Variants in TNS3 observed in about 807,000 individuals in gnomAD.
The protein encoded by TNS3 is tensin-3.
Under a neutral mutation model 140.9 loss-of-function variants are expected in TNS3, and 45 were observed. That is an observed-to-expected ratio of 0.32 (90% CI 0.25 to 0.41). The LOEUF is 0.41. Ranked by LOEUF, TNS3 falls within the 10% of genes least tolerant of loss-of-function variation. The pLI is 1.00. For synonymous variants in TNS3, 815 were observed against 788.4 expected, an observed-to-expected ratio of 1.03 and a Z score of -0.56; for missense variants, 1,716 against 1,906.7, an observed-to-expected ratio of 0.90 and a Z score of 1.86.
intron 4 of TNS3, among the ~76,000 whole-genome samples, chr7:47,470,934 G>A (rs575601102): frequency 6.6e-6 from 1 of 151,524 alleles, no homozygotes; most frequent in African/African-American, 2.4e-5. Context: ...ACATTGACGG[G>A]TGTGTTTTGT....
intron 20 of TNS3, among the ~76,000 whole-genome samples, chr7:47,310,883 T>C (rs1160741420): frequency 5.9e-5 from 9 of 152,228 alleles, no homozygotes. Flanking sequence ...TCCATGTCCC[T>C]ACAAAGGACA....
Position 47,409,669 on chromosome 7 carries a change from TACC to T in TNS3, c.723+2055_723+2057del, listed in dbSNP as rs1240910084. Among the ~76,000 whole-genome samples, 686 of 151,426 alleles carry T rather than the reference TACC, an allele frequency of 4.5e-3. 2 individuals carry two copies. The highest frequency in any genetic ancestry group is 0.015 in the African/African-American group (634 of 40,904). ...CTCTCTTGGCCTATTCTTTTTTTTT[TACC>T]TCTGAGACGGAGTCTCGCTCTGTCG... On this transcript the variant is annotated intron_variant, in intron 13 of 30. Transcript: ENST00000311160.
chr7:47,412,056 G>A (rs78673708), intron 12 of TNS3, among the ~76,000 whole-genome samples: 6,071 of 152,202 alleles, frequency 0.04, 175 homozygotes, highest in Non-Finnish European at 0.06. Flanking sequence ...CCAGAGGCCC[G>A]AGCTTGGAGA....
intron 1 of TNS3, among the ~76,000 whole-genome samples, chr7:47,550,775 A>G (rs901671667): frequency 3.9e-5 from 6 of 152,228 alleles, no homozygotes; most frequent in African/African-American, 2.4e-5. Context: ...TGGTACTAAC[A>G]TAGAATGGGA....
At chr7:47,468,368 G>A (rs1349817752) in intron 4 of TNS3, among the ~76,000 whole-genome samples, 3 of 152,168 alleles carry the variant, frequency 2.0e-5, no homozygotes, top group African/African-American at 7.2e-5. Flanking sequence ...TTGAACCCGG[G>A]AGGCAGAGGT....
At chr7:47,409,656 A>ATTTTTTTTTTT (rs1314338489) in intron 13 of TNS3, among the ~76,000 whole-genome samples, 16 of 150,010 alleles carry the variant, frequency 1.1e-4, no homozygotes, top group African/African-American at 3.5e-4. Context: ...CTCTTGGCCT[A>ATTTTTTTTTTT]TTCTTTTTTT....
chr7:47,471,453 G>T (rs1796949729), intron 4 of TNS3, among the ~76,000 whole-genome samples: 1 of 152,056 alleles, frequency 6.6e-6, no homozygotes, highest in Non-Finnish European at 1.5e-5. Context: ...AATGGAAGGG[G>T]GTCTTCCTTT....
At chr7:47,433,440 C>T (rs1326994103) in intron 8 of TNS3, among the ~76,000 whole-genome samples, 1 of 152,186 alleles carries the variant, frequency 6.6e-6, no homozygotes, top group African/African-American at 2.4e-5. Flanking sequence ...ATTCCACTAA[C>T]AAGAGCTGTC....
chr7:47,544,908 T>C (rs1799879807), intron 1 of TNS3, among the ~76,000 whole-genome samples: 1 of 151,938 alleles, frequency 6.6e-6, no homozygotes, highest in Non-Finnish European at 1.5e-5. Flanking sequence ...CAAGCATTTC[T>C]TCACCATCAA....
intron 1 of TNS3, among the ~76,000 whole-genome samples, chr7:47,546,828 G>A (rs1562848427): frequency 1.3e-5 from 2 of 152,234 alleles, no homozygotes; most frequent in Non-Finnish European, 2.9e-5. Flanking sequence ...CCAAGACCAC[G>A]GTCTCTCAGT....
chr7:47,315,110 C>T (rs1231792366), intron 20 of TNS3, among the ~76,000 whole-genome samples: 1 of 152,240 alleles, frequency 6.6e-6, no homozygotes, highest in Non-Finnish European at 1.5e-5. Flanking sequence ...CAGCCACAGC[C>T]GATCTTGGGC....
chr7:47,472,968 C>T (rs1344141392), intron 4 of TNS3, among the ~76,000 whole-genome samples: 3 of 152,172 alleles, frequency 2.0e-5, no homozygotes, highest in African/African-American at 7.2e-5. Context: ...ACAGTGCTGG[C>T]CCCACCCCTT....
intron 1 of TNS3, among the ~76,000 whole-genome samples, chr7:47,538,766 G>A (rs1310650345): frequency 1.3e-5 from 2 of 152,134 alleles, no homozygotes; most frequent in Non-Finnish European, 2.9e-5. Context: ...TGGCAGACAA[G>A]CAGGCATTCT....
At chr7:47,366,106 C>A (rs754850047) in intron 17 of TNS3, among the ~76,000 whole-genome samples, 1 of 152,172 alleles carries the variant, frequency 6.6e-6, no homozygotes, top group Non-Finnish European at 1.5e-5. Context: ...CAAGTAACTT[C>A]TTTTAAGAAG....
chr7:47,470,951 T>G (rs1050949891), intron 4 of TNS3, among the ~76,000 whole-genome samples: 7 of 130,068 alleles, frequency 5.4e-5, no homozygotes, highest in Non-Finnish European at 1.1e-4. Flanking sequence ...TTGTTTTTTG[T>G]TTTTTTTTAA....
chr7:47,426,862 A>C (rs1298327640), intron 9 of TNS3, among the ~76,000 whole-genome samples: 4 of 152,102 alleles, frequency 2.6e-5, no homozygotes, highest in Non-Finnish European at 4.4e-5. Context: ...GTGGTGGCTC[A>C]CACCTGTAAT....
rs529487161 is a variant in TNS3 at position 47,504,434 on chromosome 7, G to A, written c.-115+2473C>T. ...ATGCTCCAGGGCATGTGTGGAGCCT[G>A]TAGACACAGGCGCAAGTGCTCCCAC... is the stretch of plus-strand genomic sequence containing the variant. On this transcript the variant is annotated intron_variant, in intron 3 of 30. Coordinates refer to ENST00000311160, the MANE Select transcript of TNS3 (RefSeq NM_022748.12). Among the ~76,000 whole-genome samples, 24 of 152,324 alleles carry A rather than the reference G, an allele frequency of 1.6e-4. No homozygotes were observed. The South Asian group carries it at 3.7e-3, about 24-fold the overall frequency.
chr7:47,424,296 G>T, intron 9 of TNS3, 112 bp from the exon 10 acceptor site: 1 of 979,560 alleles, frequency 1.0e-6, no homozygotes, highest in Non-Finnish European at 1.5e-6. Context: ...CCCACAAGGG[G>T]CTTCACCCTT....
chr7:47,417,100 G>A (rs1400128965), intron 10 of TNS3, among the ~76,000 whole-genome samples: 2 of 152,208 alleles, frequency 1.3e-5, no homozygotes, highest in Non-Finnish European at 2.9e-5. Flanking sequence ...GTCGATGTTT[G>A]TTTTATGACT....
Sources: gnomAD v4.1 joint callset for allele counts (sites outside exome capture counted in the v4.1 genomes callset) on GRCh38, gnomAD v4.1.1 for gene constraint, MANE v1.5 for transcripts, NCBI Gene and HGNC (gene_info 2026-07-23, HGNC 2026-07-21) for gene names.